Variants in SPAG16 observed in about 807,000 individuals in gnomAD.
SPAG16 encodes sperm-associated antigen 16 protein.
A neutral mutation model predicts 80.4 loss-of-function variants in SPAG16; 86 were observed. The ratio of observed to expected loss-of-function variants is 1.07; its 90% CI spans 0.90 to 1.28. The LOEUF (loss-of-function observed/expected upper bound fraction) is 1.28, where lower values mean the gene tolerates loss of function less well. Among genes scored for constraint, SPAG16 ranks in the 50% most tolerant of loss-of-function variants. The pLI, the probability that SPAG16 is intolerant of heterozygous loss-of-function variation, is 0.00. For synonymous variants in SPAG16, 294 were observed against 265.9 expected (o/e 1.11, Z -1.03); for missense variants, 870 against 765.3 (o/e 1.14, Z -1.61).
chr2:213,972,269 T>C, intron 12 of SPAG16, among the ~76,000 whole-genome samples: 1 of 150,448 alleles, frequency 6.6e-6, no homozygotes, highest in Non-Finnish European at 1.5e-5. Flanking sequence ...ATATATTTAT[T>C]ATACAAATTA....
intron 13 of SPAG16, among the ~76,000 whole-genome samples, chr2:214,097,600 G>A (rs754682251): frequency 6.6e-6 from 1 of 151,942 alleles, no homozygotes; most frequent in African/African-American, 2.4e-5. Flanking sequence ...TACCTTGAAA[G>A]GGTGGAGGTC....
At chr2:214,346,036 C>A (rs1362186734) in intron 15 of SPAG16, among the ~76,000 whole-genome samples, 1 of 152,126 alleles carries the variant, frequency 6.6e-6, no homozygotes, top group Non-Finnish European at 1.5e-5. Context: ...CATGTAAATG[C>A]ATATATGCTG....
chr2:214,074,747 CA>C (rs1559761415), intron 13 of SPAG16, among the ~76,000 whole-genome samples: 4 of 151,702 alleles, frequency 2.6e-5, no homozygotes, highest in African/African-American at 7.3e-5. Flanking sequence ...AGTACATATA[CA>C]AAAAATATTC....
At chr2:214,396,146 T>C (rs892282916) in intron 15 of SPAG16, among the ~76,000 whole-genome samples, 1 of 152,200 alleles carries the variant, frequency 6.6e-6, no homozygotes, top group African/African-American at 2.4e-5. Context: ...AATTAGGTTG[T>C]TTTCTTATTC....
At chr2:213,538,889 A>C (rs1022729545) in intron 10 of SPAG16, among the ~76,000 whole-genome samples, 1 of 152,178 alleles carries the variant, frequency 6.6e-6, no homozygotes, top group Admixed American at 6.5e-5. Context: ...ACACACACAT[A>C]ATCATCATTG....
intron 9 of SPAG16, among the ~76,000 whole-genome samples, chr2:213,484,956 C>G (rs1267779595): frequency 6.6e-6 from 1 of 151,004 alleles, no homozygotes; most frequent in African/African-American, 2.4e-5. Context: ...GTATTTTTAT[C>G]TGATTGCTGT....
At chr2:213,288,167 C>T (rs533557587) in intron 1 of SPAG16, among the ~76,000 whole-genome samples, 13 of 152,292 alleles carry the variant, frequency 8.5e-5, no homozygotes, top group African/African-American at 9.6e-5. Context: ...ATCCTACTGC[C>T]TTGGCCTCCC....
chr2:213,404,891 T>C (rs919440490), intron 9 of SPAG16, among the ~76,000 whole-genome samples: 1 of 152,206 alleles, frequency 6.6e-6, no homozygotes, highest in Non-Finnish European at 1.5e-5. Flanking sequence ...CTTATTTGTG[T>C]GTATACTTTT....
At position 214,305,288 on chromosome 2, in the gene SPAG16, A is replaced by G. The variant is rs181670766; in HGVS notation, c.1721-104852A>G. The stretch of plus-strand genomic sequence containing the variant: ...TTGTTATTAGACCTTTGTCAGATGC[A>G]GTTTGCAAAAATTTTCTCCCATTCT... On this transcript the variant is annotated intron_variant, in intron 15 of 15. Coordinates refer to ENST00000331683, the MANE Select transcript of SPAG16 (RefSeq NM_024532.5). Among the ~76,000 whole-genome samples the G allele has an allele frequency of 5.0e-3, 766 of 152,252 alleles. 4 individuals carry two copies. The highest frequency in any genetic ancestry group is 0.018 in the African/African-American group (733 of 41,548).
chr2:213,401,560 C>T (rs529933079), intron 9 of SPAG16, among the ~76,000 whole-genome samples: 2 of 152,170 alleles, frequency 1.3e-5, no homozygotes, highest in African/African-American at 4.8e-5. Context: ...AAAAGCTACT[C>T]CTTGCATTTC....
chr2:213,625,381 A>T (rs2061926407), intron 10 of SPAG16, among the ~76,000 whole-genome samples: 1 of 152,106 alleles, frequency 6.6e-6, no homozygotes. Flanking sequence ...TGCTTGTTTC[A>T]CATTGCATGC....
chr2:214,084,201 C>T (rs1206114654), intron 13 of SPAG16, among the ~76,000 whole-genome samples: 1 of 152,152 alleles, frequency 6.6e-6, no homozygotes, highest in African/African-American at 2.4e-5. Context: ...CAGTCTCTCC[C>T]CTCTCTAAGA....
rs556072990 is a variant in SPAG16, at chr2:214,139,023, A to G, written c.1594-10117A>G. Among the ~76,000 whole-genome samples the G allele has an allele frequency of 3.9e-5, 6 of 152,292 alleles. No homozygotes were observed. The East Asian group carries it at 1.2e-3, about 29-fold the overall frequency. The stretch of plus-strand genomic sequence containing the variant: ...TCCAAATAAAACACTGTTTGAATTT[A>G]TTTCACTCAACTATAGTCCTAGGGT... On this transcript the variant is annotated intron_variant, in intron 14 of 15. Transcript: ENST00000331683.
At chr2:213,667,282 A>C (rs948662618) in intron 10 of SPAG16, among the ~76,000 whole-genome samples, 2 of 152,188 alleles carry the variant, frequency 1.3e-5, no homozygotes, top group African/African-American at 2.4e-5. Flanking sequence ...ATCACTAGGA[A>C]ATTCAGGAGG....
chr2:213,819,898 A>G (rs9636336), intron 10 of SPAG16, among the ~76,000 whole-genome samples: 52,740 of 149,780 alleles, frequency 0.35, 9,884 homozygotes, highest in East Asian at 0.52. Context: ...CTGGGATTAC[A>G]GGTGCCTGCC....
At chr2:213,552,704 T>G (rs537059149) in intron 10 of SPAG16, among the ~76,000 whole-genome samples, 2 of 152,234 alleles carry the variant, frequency 1.3e-5, no homozygotes, top group Admixed American at 6.5e-5. Context: ...GTGAGGGTGT[T>G]GTCAAAGAAG....
At chr2:213,685,032 C>A (rs569242003) in intron 10 of SPAG16, among the ~76,000 whole-genome samples, 1 of 152,202 alleles carries the variant, frequency 6.6e-6, no homozygotes, top group East Asian at 1.9e-4. Flanking sequence ...GAGTTTAGAC[C>A]TGAAGAATTT....
chr2:213,396,762 C>T (rs1021675650), intron 9 of SPAG16: 4 of 417,464 alleles, frequency 9.6e-6, no homozygotes, highest in African/African-American at 6.1e-5. Context: ...GTGTTCCTGG[C>T]TTGTTCTCCT....
intron 10 of SPAG16, among the ~76,000 whole-genome samples, chr2:213,498,431 T>A (rs950954284): frequency 6.6e-6 from 1 of 152,160 alleles, no homozygotes; most frequent in Non-Finnish European, 1.5e-5. Flanking sequence ...AATGATATTG[T>A]CATATTGGTT....
Sources: allele counts gnomAD v4.1 joint callset (sites outside exome capture counted in the v4.1 genomes callset), GRCh38; gene constraint gnomAD v4.1.1; transcripts MANE v1.5; gene names NCBI Gene and HGNC (gene_info 2026-07-23, HGNC 2026-07-21).